Variants in NDST2 observed in about 807,000 individuals in gnomAD.
NDST2 encodes N-deacetylase and N-sulfotransferase 2, also known as bifunctional heparan sulfate N-deacetylase/N-sulfotransferase 2.
A neutral mutation model predicts 86.9 loss-of-function variants in NDST2; 32 were observed. The observed-to-expected ratio is 0.37, with a 90% CI of 0.28 to 0.49. The LOEUF (loss-of-function observed/expected upper bound fraction) is 0.49. NDST2 is among the 20% of genes least tolerant of loss of function. The pLI is 0.97. For missense variants in NDST2, 950 were observed against 1,146.9 expected (o/e 0.83, Z 2.48); for synonymous variants, 409 against 437.0 (o/e 0.94, Z 0.80).
At chr10:73,804,266 C>A (rs530157025) in intron 9 of NDST2, among the ~76,000 whole-genome samples, 183 of 152,252 alleles carry the variant, frequency 1.2e-3, no homozygotes, top group African/African-American at 4.2e-3. Context: ...TGATATACAA[C>A]CAGGGTTAGG....
Position 73,807,314 on chromosome 10 carries a change from CAAGG to C in NDST2, c.1005+66_1005+69del, listed in dbSNP as rs1254583581. 1.1e-5 allele frequency: 18 copies of C among 1,590,944 alleles called. No homozygotes were observed. In the East Asian group the frequency reaches 3.8e-4, roughly 34 times the overall value. ...AGTGTACCTATGACAAGCTCAGAAT[CAAGG>C]AAGGGAGTCTGACAGGCCAGAGTGT... On this transcript the variant is annotated intron_variant, in intron 3 of 14. Coordinates refer to ENST00000309979, the MANE Select transcript of NDST2 (RefSeq NM_003635.4).
chr10:73,811,635 A>C (rs900356108), upstream of NDST2: 5 of 151,624 alleles, frequency 3.3e-5, no homozygotes, highest in African/African-American at 9.7e-5. Flanking sequence ...CCACCGGGGG[A>C]GGCGGCGCGC....
intron 10 of NDST2, 29 bp downstream of exon 10, chr10:73,803,864 A>G: frequency 6.2e-7 from 1 of 1,614,128 alleles, no homozygotes; most frequent in Non-Finnish European, 8.5e-7. Context: ...TGTTCCTCTG[A>G]GAAACATTCA....
Position 73,804,842 on chromosome 10 carries a change from C to T in NDST2, c.1774G>A (p.Asp592Asn). The T allele has an allele frequency of 6.2e-7, 1 of 1,610,716 alleles. No homozygotes were observed. Among genetic ancestry groups the T allele is most frequent in the Non-Finnish European group, 8.5e-7 (1 of 1,178,314 alleles). ...QNPCDDKRHK[D>N]IWSKEKTCDR... ...CAGGTTTTCTCCTTGGACCAGATATCTTTGTGCCTCTTGTCATCACAGGGA... is the reference window on the plus strand; with the variant it reads ...CAGGTTTTCTCCTTGGACCAGATATTTTTGTGCCTCTTGTCATCACAGGGA... The change falls in exon 9 of 15, where the codon GAT (aspartate) becomes AAT (asparagine). Residue 592 changes from aspartate to asparagine, a missense_variant. By Grantham distance (23) the Asp-to-Asn change is conservative. Coordinates refer to ENST00000309979, the MANE Select transcript of NDST2 (RefSeq NM_003635.4).
At position 73,802,299 on chromosome 10, in the gene NDST2, G is replaced by C; in HGVS notation, c.*152C>G. ...TATTTGTCCCAGAACTGTGGGAAAA[G>C]GATACCCTTCCCTTCTCAGCCATCT... On this transcript the variant is annotated 3_prime_UTR_variant, in exon 15 of 15. Transcript: ENST00000309979. 1.3e-6 allele frequency: 1 copy of C among 764,926 alleles called. No homozygotes were observed. The highest frequency in any genetic ancestry group is 2.1e-6 in the Non-Finnish European group (1 of 482,170). The allele number at this position is 764,926 out of a possible 1,614,324, so 47.4% of individuals were successfully genotyped here.
At position 73,807,372 on chromosome 10, in the gene NDST2, A is replaced by G; in HGVS notation, c.1005+12T>C. On this transcript the variant is annotated intron_variant, in intron 3 of 14. Coordinates refer to ENST00000309979, the MANE Select transcript of NDST2 (RefSeq NM_003635.4). ...TAGCTTCTAAGAAAAAAATTTAAGT[A>G]ACAAGACTGACCTCAACATCAGCCA... is the stretch of plus-strand genomic sequence containing the variant. 1 of 1,612,168 alleles carries G rather than the reference A, an allele frequency of 6.2e-7. No individual in the cohort carries two copies.
In NDST2 at chr10:73,810,969, T is replaced by C. The variant is rs903356914; in HGVS notation, c.-446-66A>G. On this transcript the variant is annotated intron_variant, in intron 1 of 14. Transcript: ENST00000309979. The stretch of plus-strand genomic sequence containing the variant: ...CGCCGCAGGCCGGGCCAGTGAACAC[T>C]GAGGGCCAGCAGGGCTGGGCGGGGT... 7.6e-6 allele frequency: 3 copies of C among 397,156 alleles called. No individual in the cohort carries two copies. The Admixed American group carries it at 1.3e-4, about 18-fold the overall frequency. 24.6% of individuals were successfully genotyped at this position (397,156 alleles called of 1,614,324 possible). A position where few individuals can be genotyped will look rare whatever the true frequency, so the allele number is the denominator to read the frequency against.
chr10:73,803,768 A>G lies in NDST2; in HGVS notation c.1968-20T>C. 1 of 1,613,830 alleles carries G rather than the reference A, an allele frequency of 6.2e-7. No individual in the cohort carries two copies. On this transcript the variant is annotated intron_variant, in intron 10 of 14. Transcript: ENST00000309979. ...ATGTACCTAGGAAGTAGCACAGAAG[A>G]GAGAGAAGCAGAAAAATATGCAGAG...
Position 73,806,973 on chromosome 10 carries a change from T to C in NDST2, c.1093+135A>G, listed in dbSNP as rs889102598. On this transcript the variant is annotated intron_variant, in intron 4 of 14. Transcript: ENST00000309979. The surrounding 1 kb of genome is among the most constrained non-coding windows in gnomAD (Gnocchi z 4.5). ...AGCCACCCATGCGAACCTAAATTCA[T>C]GCCCACCACTAGCTCCTCACAGCAG... The C allele has an allele frequency of 5.0e-6, 7 of 1,406,728 alleles. No homozygotes were observed. Among genetic ancestry groups the C allele is most frequent in the Middle Eastern group, 1.9e-4 (1 of 5,270 alleles). 87.1% of individuals were successfully genotyped at this position (1,406,728 alleles called of 1,614,324 possible).
chr10:73,805,604 G>C lies in NDST2; in HGVS notation c.1729C>G (p.Arg577Gly). 1 of 1,614,080 alleles carries C rather than the reference G, an allele frequency of 6.2e-7. No homozygotes were observed. Among genetic ancestry groups the C allele is most frequent in the Non-Finnish European group, 8.5e-7 (1 of 1,180,026 alleles). ...QKYFELFPQE[R>G]SPLWQNPCDD... ...ACCTTTACCTGCCAAAGGGGGCTTC[G>C]CTCCTGAGGGAAAAGTTCAAAGTAC... is the stretch of plus-strand genomic sequence containing the variant. The change falls in exon 8 of 15, where the codon CGA becomes GGA. Residue 577 changes from arginine to glycine, a missense_variant. Transcript: ENST00000309979.
intron 9 of NDST2, 97 bp downstream of exon 9, chr10:73,804,676 C>A: frequency 1.6e-6 from 1 of 641,820 alleles, no homozygotes. Flanking sequence ...ATACTTTTTT[C>A]ACTCCTGTGA....
In NDST2 at chr10:73,810,800, T is replaced by C. The variant is rs1465913102; in HGVS notation, c.-343A>G. Reference sequence around the variant, plus strand: ...GAGTAACTCAGAGAAGCTTAGAACCTTGCCCAGGATCACACAGCTCAGTTG... The same window carrying C: ...GAGTAACTCAGAGAAGCTTAGAACCCTGCCCAGGATCACACAGCTCAGTTG... On this transcript the variant is annotated splice_region_variant and 5_prime_UTR_variant, in exon 2 of 15. Transcript: ENST00000309979. The C allele has an allele frequency of 2.5e-6, 1 of 398,972 alleles. No individual in the cohort carries two copies. The highest frequency in any genetic ancestry group is 4.4e-6 in the Non-Finnish European group (1 of 226,058). 24.7% of individuals were successfully genotyped at this position (398,972 alleles called of 1,614,324 possible).
In NDST2 at chr10:73,802,381, T is replaced by G. The variant is rs1283774309; in HGVS notation, c.*70A>C. The G allele has an allele frequency of 3.1e-6, 5 of 1,591,624 alleles. No homozygotes were observed. The African/African-American group carries it at 6.7e-5, about 21-fold the overall frequency. Reference sequence around the variant, plus strand: ...GGGGCCAGGCCACTCTAATCCCCCTTGTGGGCCCTGCTCTGGACCTGCCCC... The same window carrying G: ...GGGGCCAGGCCACTCTAATCCCCCTGGTGGGCCCTGCTCTGGACCTGCCCC... On this transcript the variant is annotated 3_prime_UTR_variant, in exon 15 of 15. Coordinates refer to ENST00000309979, the MANE Select transcript of NDST2 (RefSeq NM_003635.4).
At position 73,803,975 on chromosome 10, in the gene NDST2, C is replaced by T. The variant is rs1195854325; in HGVS notation, c.1885G>A (p.Val629Ile). The change falls in exon 10 of 15, where the codon GTA becomes ATA. Residue 629 changes from valine to isoleucine, a missense_variant. Physicochemically the swap from Val to Ile is conservative, Grantham distance 29. Coordinates refer to ENST00000309979, the MANE Select transcript of NDST2 (RefSeq NM_003635.4). ...CTGGGGCTAGGGAAGCTGCTAGTTA[C>T]AGCTGGGTGCAGGCTCAGGAAGAAG... ...IHFFLSLHPAVTSSFPSPSTF... is the reference protein window; with the variant it reads ...IHFFLSLHPAITSSFPSPSTF... 3.7e-6 allele frequency: 6 copies of T among 1,614,002 alleles called. No homozygotes were observed. Among genetic ancestry groups the T allele is most frequent in the South Asian group, 1.1e-5 (1 of 91,088 alleles).
At chr10:73,810,126 G>A (rs779810405) in intron 2 of NDST2, among the ~76,000 whole-genome samples, 8 of 152,112 alleles carry the variant, frequency 5.3e-5, no homozygotes, top group Non-Finnish European at 8.8e-5. Context: ...GGGGTGATAA[G>A]GCAGAGCTGA....
chr10:73,808,634 A>T lies in NDST2; in HGVS notation c.-246T>A. ...TCAGGTCACCATGGCCCCCTGGCCC[A>T]TGGCTTCAGGCTGCAAATCTTGCCA... On this transcript the variant is annotated 5_prime_UTR_variant, in exon 3 of 15. The change abolishes an upstream ATG in the 5' untranslated region. Coordinates refer to ENST00000309979, the MANE Select transcript of NDST2 (RefSeq NM_003635.4). The surrounding 1 kb of genome is among the most constrained non-coding windows in gnomAD (Gnocchi z 4.3). 2.2e-6 allele frequency: 1 copy of T among 451,268 alleles called. No individual in the cohort carries two copies. The highest frequency in any genetic ancestry group is 3.4e-5 in the East Asian group (1 of 29,442). The allele number at this position is 451,268 out of a possible 1,614,324, so 28.0% of individuals were successfully genotyped here.
chr10:73,804,131 T>A (rs1299209983), intron 9 of NDST2, 115 bp from the exon 10 acceptor site: 1 of 1,227,806 alleles, frequency 8.1e-7, no homozygotes, highest in Non-Finnish European at 1.1e-6. Context: ...AAATCCCCTA[T>A]GGCCAAACTA....
Position 73,807,526 on chromosome 10 carries a change from A to G in NDST2, c.863T>C (p.Leu288Pro). Residue 288 changes from leucine (L) to proline (P), a missense_variant, in exon 3 of 15, where the codon CTC (leucine) becomes CCC (proline). Transcript: ENST00000309979. Reference protein sequence around the residue: ...VLFGHGLSFWLHKLIFVDAVA... With the variant: ...VLFGHGLSFWPHKLIFVDAVA... ...AGCATCAACGAAGATAAGTTTGTGG[A>G]GCCAGAAGGAAAGGCCATGTCCAAA... 1.2e-6 allele frequency: 2 copies of G among 1,614,196 alleles called. No homozygotes were observed. The highest frequency in any genetic ancestry group is 1.3e-5 in the African/African-American group (1 of 75,040).
intron 2 of NDST2, among the ~76,000 whole-genome samples, chr10:73,810,255 C>T (rs1368966018): frequency 3.3e-5 from 5 of 152,016 alleles, no homozygotes; most frequent in African/African-American, 7.3e-5. Flanking sequence ...GTCAGGAGTT[C>T]GAGACCAGCC....
Sources: allele counts gnomAD v4.1 joint callset (sites outside exome capture counted in the v4.1 genomes callset), GRCh38; gene constraint gnomAD v4.1.1; non-coding constraint Gnocchi (gnomAD v3.1); transcripts MANE v1.5; gene names NCBI Gene and HGNC (gene_info 2026-07-23, HGNC 2026-07-21).